The following MECOM variants were observed in gnomAD, a reference collection of about 807,000 sequenced individuals.
MECOM encodes histone-lysine N-methyltransferase MECOM.
MECOM carries 13 observed loss-of-function variants against 116.3 expected under a neutral mutation model. The observed-to-expected ratio is 0.11, with a 90% CI of 0.07 to 0.18. MECOM has a LOEUF of 0.18. MECOM is among the 10% of genes least tolerant of loss of function. The pLI, the probability that MECOM is intolerant of heterozygous loss-of-function variation, is 1.00. For synonymous variants in MECOM, 528 were observed against 535.2 expected, an observed-to-expected ratio of 0.99 and a Z score of 0.19; for missense variants, 1,299 against 1,509.0, an observed-to-expected ratio of 0.86 and a Z score of 2.31.
chr3:169,378,443 A>AAGCGAGCG (rs2108249769), intron 2 of MECOM, among the ~76,000 whole-genome samples: 1 of 81,390 alleles, frequency 1.2e-5, no homozygotes, highest in East Asian at 2.9e-4. Context: ...GAAAGAAAGA[A>AAGCGAGCG]AGAAAGAAGG....
intron 6 of MECOM, among the ~76,000 whole-genome samples, chr3:169,122,055 C>T (rs1263971270): frequency 1.3e-5 from 2 of 152,144 alleles, no homozygotes; most frequent in East Asian, 1.9e-4. Context: ...TTGAGTACTT[C>T]CATATCATCC....
chr3:169,448,476 G>C (rs945032541), intron 1 of MECOM, among the ~76,000 whole-genome samples: 1 of 152,076 alleles, frequency 6.6e-6, no homozygotes, highest in African/African-American at 2.4e-5. Flanking sequence ...ATCCAACTAG[G>C]GGTAAAGCCA....
chr3:169,412,028 G>A (rs1737639423), intron 1 of MECOM, among the ~76,000 whole-genome samples: 1 of 151,940 alleles, frequency 6.6e-6, no homozygotes, highest in South Asian at 2.1e-4. Flanking sequence ...GTTCATGACT[G>A]TAATCCCAGC....
chr3:169,213,848 C>T (rs1751092479), intron 2 of MECOM, among the ~76,000 whole-genome samples: 1 of 152,080 alleles, frequency 6.6e-6, no homozygotes, highest in African/African-American at 2.4e-5. Flanking sequence ...CCAACTGAGA[C>T]CCTGACTTGA....
chr3:169,221,905 T>G (rs1560011473), intron 2 of MECOM, among the ~76,000 whole-genome samples: 2 of 152,138 alleles, frequency 1.3e-5, no homozygotes, highest in Non-Finnish European at 2.9e-5. Context: ...GCCTTTCCAC[T>G]ATGGCACCAA....
intron 2 of MECOM, among the ~76,000 whole-genome samples, chr3:169,258,176 C>T (rs535252863): frequency 1.8e-4 from 28 of 151,998 alleles, no homozygotes; most frequent in Admixed American, 1.7e-3. Flanking sequence ...GCCAAGATCG[C>T]GCCACTGCTC....
intron 1 of MECOM, among the ~76,000 whole-genome samples, chr3:169,386,455 T>C (rs1326580040): frequency 2.6e-5 from 4 of 152,224 alleles, no homozygotes; most frequent in Non-Finnish European, 5.9e-5. Context: ...AGATATGTTT[T>C]AAAGTTTGTT....
rs571101642 is a variant in MECOM, at chr3:169,297,935, G to T, written c.375+83252C>A. ...ACAGAGTAGGAGAAGTGCCTAACAT[G>T]ACAAAAGGAGAATTTTGAATATACC... is the stretch of plus-strand genomic sequence containing the variant. On this transcript the variant is annotated intron_variant, in intron 2 of 16. Transcript: ENST00000651503. Among the ~76,000 whole-genome samples, 3 of 152,274 alleles carry T rather than the reference G, an allele frequency of 2.0e-5. No individual in the cohort carries two copies. The East Asian group carries it at 5.8e-4, about 29-fold the overall frequency.
chr3:169,106,207 G>A (rs1447621735), intron 10 of MECOM, among the ~76,000 whole-genome samples: 1 of 152,038 alleles, frequency 6.6e-6, no homozygotes, highest in Non-Finnish European at 1.5e-5. Flanking sequence ...CAAAATCATG[G>A]TCATATGGGG....
At chr3:169,341,406 G>A (rs1487665540) in intron 2 of MECOM, among the ~76,000 whole-genome samples, 2 of 149,802 alleles carry the variant, frequency 1.3e-5, no homozygotes, top group African/African-American at 4.9e-5. Context: ...AGGTTGGCGG[G>A]GGAGGTGGAG....
intron 2 of MECOM, among the ~76,000 whole-genome samples, chr3:169,157,352 A>T (rs1337566287): frequency 6.6e-6 from 1 of 152,328 alleles, no homozygotes; most frequent in East Asian, 1.9e-4. Flanking sequence ...ATTTCATGAA[A>T]CATTTATCCT....
chr3:169,663,308 G>C lies in MECOM; in HGVS notation c.37+28C>G, dbSNP rs1432353596. 4 of 1,599,720 alleles carry C rather than the reference G, an allele frequency of 2.5e-6. No homozygotes were observed. In the South Asian group the frequency reaches 3.4e-5, roughly 14 times the overall value. On this transcript the variant is annotated intron_variant, in intron 1 of 16. Transcript: ENST00000651503. ...GCAAGATGGCAGAGGAGGGGGAAAAGCCAATAGAAAAGGGATATTGCACCT... is the reference window on the plus strand; with the variant it reads ...GCAAGATGGCAGAGGAGGGGGAAAACCCAATAGAAAAGGGATATTGCACCT...
At chr3:169,163,808 C>G (rs559324720) in intron 2 of MECOM, among the ~76,000 whole-genome samples, 26 of 152,184 alleles carry the variant, frequency 1.7e-4, no homozygotes, top group African/African-American at 6.3e-4. Flanking sequence ...CACTCCGAGC[C>G]AACCACTGAC....
At chr3:169,274,583 T>A (rs990442196) in intron 2 of MECOM, among the ~76,000 whole-genome samples, 8 of 152,158 alleles carry the variant, frequency 5.3e-5, no homozygotes, top group Admixed American at 5.2e-4. Flanking sequence ...AAGGGGGTAG[T>A]TTTCCTTATG....
At chr3:169,604,336 C>T (rs765505186) in intron 1 of MECOM, among the ~76,000 whole-genome samples, 2 of 151,932 alleles carry the variant, frequency 1.3e-5, no homozygotes, top group Non-Finnish European at 2.9e-5. Flanking sequence ...GAGGGGATGC[C>T]GAGGAGTACA....
intron 2 of MECOM, among the ~76,000 whole-genome samples, chr3:169,200,753 C>T (rs1477087370): frequency 6.6e-6 from 1 of 152,032 alleles, no homozygotes; most frequent in Admixed American, 6.6e-5. Flanking sequence ...ACACTATCTG[C>T]CCGGGACTGA....
chr3:169,381,221 C>T lies in MECOM; in HGVS notation c.341G>A (p.Arg114Lys), dbSNP rs117824316. Residue 114 changes from arginine (R) to lysine (K), a missense_variant, in exon 2 of 17, where the codon AGG becomes AAG. Arg to Lys is a conservative substitution (Grantham distance 26). This residue lies in a region of MECOM where 374 missense variants were observed against 433.4 expected (regional missense o/e 0.86). Transcript: ENST00000651503. ...ATAACTGGGGTCTTTCAGGTTTGAC[C>T]TCTGCTCTCCCACATAAGGCCCAAA... ...EKFGPYVGEQ[R>K]SNLKDPSYGW... The T allele has an allele frequency of 1.1e-4, 173 of 1,611,732 alleles. No homozygotes were observed. The East Asian group carries it at 3.9e-3, about 36-fold the overall frequency.
chr3:169,576,245 C>T (rs910425269), intron 1 of MECOM, among the ~76,000 whole-genome samples: 6 of 152,080 alleles, frequency 3.9e-5, no homozygotes, highest in African/African-American at 1.4e-4. Flanking sequence ...ATCTCATATG[C>T]ACATATATTA....
chr3:169,335,996 C>G (rs564239239), intron 2 of MECOM, among the ~76,000 whole-genome samples: 1 of 152,058 alleles, frequency 6.6e-6, no homozygotes, highest in South Asian at 2.1e-4. Flanking sequence ...TTTATGCAAA[C>G]TATGTTTTAG....
Sources: gnomAD v4.1 joint callset for allele counts (sites outside exome capture counted in the v4.1 genomes callset) on GRCh38, gnomAD v4.1.1 for gene constraint, gnomAD v4.1.1 regional missense constraint, MANE v1.5 for transcripts, NCBI Gene and HGNC (gene_info 2026-07-23, HGNC 2026-07-21) for gene names.